C2: variants seen among roughly 807,000 people sequenced by gnomAD.
C2 encodes complement C2, also known as C3/C5 convertase.
In C2, 64 loss-of-function variants were observed where a neutral mutation model predicts 85.2. The ratio of observed to expected loss-of-function variants is 0.75; its 90% CI spans 0.61 to 0.92. The LOEUF is 0.92. Among genes scored for constraint, C2 ranks in the 40% least tolerant of loss-of-function variants. C2 has a pLI of 0.00. For missense variants in C2, 820 were observed against 971.6 expected (o/e 0.84, Z 2.07); for synonymous variants, 311 against 370.8 (o/e 0.84, Z 1.85).
At chr6:31,903,683 CTT>C (rs1286996710) in intron 1 of C2, among the ~76,000 whole-genome samples, 1 of 152,066 alleles carries the variant, frequency 6.6e-6, no homozygotes. Context: ...AGTAATTCCT[CTT>C]TGGCTCAGCC....
In C2 at chr6:31,932,632, C is replaced by G. The variant is rs1481055160; in HGVS notation, c.443-978C>G. The G allele has an allele frequency of 1.9e-5, 3 of 154,184 alleles. No individual in the cohort carries two copies. The East Asian group carries it at 5.9e-4, about 30-fold the overall frequency. 9.6% of individuals were successfully genotyped at this position (154,184 alleles called of 1,614,324 possible). ...GCAGAGACGCTCCTCACTTTCCAGA[C>G]TGGGCAGCCAGGCAGAGGGGCTCCT... On this transcript the variant is annotated intron_variant, in intron 3 of 17. Coordinates refer to ENST00000299367, the MANE Select transcript of C2 (RefSeq NM_000063.6).
intron 3 of C2, among the ~76,000 whole-genome samples, chr6:31,931,262 C>CTTTT (rs748883719): frequency 1.3e-4 from 14 of 111,370 alleles, no homozygotes; most frequent in Admixed American, 1.8e-4. Context: ...TAGGAACATT[C>CTTTT]TTTTTTTTTT....
At chr6:31,901,302 C>T in intron 1 of C2, 1 of 1,606,308 alleles carries the variant, frequency 6.2e-7, no homozygotes, top group Non-Finnish European at 8.5e-7. Flanking sequence ...ACCCCAGAGG[C>T]CATTGTGGCG....
chr6:31,944,749 T>A lies in C2; in HGVS notation c.1925T>A (p.Val642Asp), dbSNP rs1771219606. 1 of 1,613,074 alleles carries A rather than the reference T, an allele frequency of 6.2e-7. No homozygotes were observed. ...GVEWTSCAEV[V>D]SQEKTMFPNL... ...CAGTGGACAAGCTGTGCCGAGGTTG[T>A]CTCCCAAGAAAAAACCATGTTCCCC... Residue 642 changes from valine to aspartate, a missense_variant, in exon 16 of 18, where the codon GTC becomes GAC. Physicochemically the swap from Val to Asp is radical, Grantham distance 152. Coordinates refer to ENST00000299367, the MANE Select transcript of C2 (RefSeq NM_000063.6). The surrounding 1 kb of genome is among the most constrained non-coding windows in gnomAD (Gnocchi z 5.1).
intron 7 of C2, chr6:31,936,369 C>G (rs1430828761): frequency 2.3e-6 from 1 of 431,910 alleles, no homozygotes; most frequent in African/African-American, 2.0e-5. Flanking sequence ...CATTAGCCAC[C>G]CATACACCAT....
intron 3 of C2, among the ~76,000 whole-genome samples, chr6:31,931,266 T>C (rs536425313): frequency 6.6e-6 from 1 of 151,440 alleles, no homozygotes; most frequent in African/African-American, 2.4e-5. Context: ...AACATTCTTT[T>C]TTTTTTTTTT....
chr6:31,907,301 A>T (rs1382803382), intron 1 of C2, among the ~76,000 whole-genome samples: 1 of 151,858 alleles, frequency 6.6e-6, no homozygotes, highest in Non-Finnish European at 1.5e-5. Context: ...AAATTTAAAA[A>T]ATATAAGAGG....
chr6:31,937,095 G>C, intron 7 of C2: 1 of 545,230 alleles, frequency 1.8e-6, no homozygotes, highest in South Asian at 2.1e-5. Context: ...TGTAATCCCA[G>C]CTACTTGGGA....
At chr6:31,907,468 G>A (rs1767784860) in intron 1 of C2, among the ~76,000 whole-genome samples, 1 of 150,040 alleles carries the variant, frequency 6.7e-6, no homozygotes, top group African/African-American at 2.5e-5. Flanking sequence ...TGTGGTCGCA[G>A]CTATTCAACA....
Position 31,943,152 on chromosome 6 carries a change from G to A in C2, c.1360+53G>A, listed in dbSNP as rs2242572. On this transcript the variant is annotated intron_variant, in intron 10 of 17. Coordinates refer to ENST00000299367, the MANE Select transcript of C2 (RefSeq NM_000063.6). This position sits in a 1 kb window ranked among gnomAD's most constrained non-coding sequence, Gnocchi z 6.4. ...GGGGAGGATGGTGAGGAGCCCGCCA[G>A]AGGCCCGTGTTGGGAACCTGGACAC... 0.1 allele frequency: 161,223 copies of A among 1,612,584 alleles called. 8,996 individuals are homozygous for A. The highest frequency in any genetic ancestry group is 0.19 in the African/African-American group (14,184 of 74,924).
At chr6:31,908,721 G>C (rs1383384457) in intron 1 of C2, among the ~76,000 whole-genome samples, 2 of 151,250 alleles carry the variant, frequency 1.3e-5, no homozygotes, top group Admixed American at 6.6e-5. Flanking sequence ...ACCCTAATCA[G>C]TCAGCAGCTA....
upstream of C2, among the ~76,000 whole-genome samples, chr6:31,899,403 C>T (rs968139417): frequency 2.6e-5 from 4 of 151,956 alleles, no homozygotes; most frequent in Admixed American, 2.6e-4. Context: ...GTCTCATTTC[C>T]CCAGCATGCA....
intron 1 of C2, among the ~76,000 whole-genome samples, chr6:31,902,785 A>C (rs902422260): frequency 6.6e-6 from 1 of 152,234 alleles, no homozygotes; most frequent in African/African-American, 2.4e-5. Context: ...GATTGATCCC[A>C]ACTTCTTGCC....
In C2 at chr6:31,943,546, C is replaced by T; in HGVS notation, c.1567+19C>T. On this transcript the variant is annotated intron_variant, in intron 12 of 17. Transcript: ENST00000299367. The surrounding 1 kb of genome is among the most constrained non-coding windows in gnomAD (Gnocchi z 6.4). ...AATGTGGGTAAGGCAGGGGATGCAC[C>T]AGCCTCCTGATCCTGAAGCCACAGA... 6.2e-7 allele frequency: 1 copy of T among 1,606,058 alleles called. No homozygotes were observed. Among genetic ancestry groups the T allele is most frequent in the Non-Finnish European group, 8.5e-7 (1 of 1,175,244 alleles).
Position 31,933,865 on chromosome 6 carries a change from A to C in C2, c.617-2A>C, listed in dbSNP as rs1350465675. 6.2e-7 allele frequency: 1 copy of C among 1,614,034 alleles called. No homozygotes were observed. The highest frequency in any genetic ancestry group is 1.1e-5 in the South Asian group (1 of 91,086). The stretch of plus-strand genomic sequence containing the variant: ...CTGACTCCTGTGTGGCTCTCCCCAC[A>C]GAACCCTACTCTTATGACTTCCCTG... On this transcript the variant is annotated splice_acceptor_variant, in intron 4 of 17. Transcript: ENST00000299367. LOFTEE classifies it high-confidence loss of function.
At chr6:31,931,875 G>A (rs1172353598) in intron 3 of C2, among the ~76,000 whole-genome samples, 1 of 149,840 alleles carries the variant, frequency 6.7e-6, no homozygotes, top group East Asian at 2.0e-4. Context: ...CGGACAGGGC[G>A]GCTGGCCGGG....
rs1159276720 is a variant in C2, at chr6:31,943,940, T to C, written c.1757T>C (p.Met586Thr). The C allele has an allele frequency of 2.5e-6, 4 of 1,612,908 alleles. No homozygotes were observed. The highest frequency in any genetic ancestry group is 2.5e-6 in the Non-Finnish European group (3 of 1,179,982). ...HARPICLPCT[M>T]EANLALRRPQ... ...AGGCCCATCTGCCTTCCCTGCACGA[T>C]GGAGGCCAATCTGGCTCTGCGGAGA... The change falls in exon 14 of 18, where the codon ATG becomes ACG. Residue 586 changes from methionine to threonine, a missense_variant. Physicochemically the swap from Met to Thr is moderately conservative, Grantham distance 81. Transcript: ENST00000299367. This position sits in a 1 kb window ranked among gnomAD's most constrained non-coding sequence, Gnocchi z 6.4.
At chr6:31,913,030 C>CAAAAAA (rs34465217) in intron 1 of C2, among the ~76,000 whole-genome samples, 1 of 70,550 alleles carries the variant, frequency 1.4e-5, no homozygotes. Context: ...CCTGTTTCCA[C>CAAAAAA]AAAAAAAAAA....
Position 31,928,918 on chromosome 6 carries a change from G to T in C2, c.442+1G>T, listed in dbSNP as rs757823441. ...GAAACAGCTGTGTGTGATAATGGGG[G>T]TGAGTTCTCTGGCTGATGGGCTACA... On this transcript the variant is annotated splice_donor_variant, in intron 3 of 17. Transcript: ENST00000299367. LOFTEE classifies it high-confidence loss of function. The T allele has an allele frequency of 1.9e-6, 3 of 1,610,486 alleles. No individual in the cohort carries two copies. The highest frequency in any genetic ancestry group is 2.2e-5 in the South Asian group (2 of 90,656).
Sources: gnomAD v4.1 joint callset for allele counts (sites outside exome capture counted in the v4.1 genomes callset) on GRCh38, gnomAD v4.1.1 for gene constraint, Gnocchi (gnomAD v3.1) non-coding constraint, MANE v1.5 for transcripts, NCBI Gene and HGNC (gene_info 2026-07-23, HGNC 2026-07-21) for gene names.